CAVIN2: variants seen among roughly 807,000 people sequenced by gnomAD.
The protein encoded by CAVIN2 is caveolae associated protein 2.
In CAVIN2, 13 loss-of-function variants were observed where a neutral mutation model predicts 11.7. The ratio of observed to expected loss-of-function variants is 1.11; its 90% CI spans 0.72 to 1.77. The LOEUF (loss-of-function observed/expected upper bound fraction) is 1.77. Among genes scored for constraint, CAVIN2 ranks in the 40% most tolerant of loss-of-function variants. The pLI, the probability that CAVIN2 is intolerant of heterozygous loss-of-function variation, is 0.00. For synonymous variants in CAVIN2, 237 were observed against 223.2 expected, an observed-to-expected ratio of 1.06 and a Z score of -0.55; for missense variants, 549 against 542.9, an observed-to-expected ratio of 1.01 and a Z score of -0.11.
Position 191,846,550 on chromosome 2 carries a change from G to A in CAVIN2, c.376C>T (p.Arg126Cys), listed in dbSNP as rs1690170238. The A allele has an allele frequency of 3.1e-6, 5 of 1,614,272 alleles. No homozygotes were observed. Among genetic ancestry groups the A allele is most frequent in the Non-Finnish European group, 4.2e-6 (5 of 1,180,056 alleles). Residue 126 changes from arginine (R) to cysteine (C), a missense_variant, in exon 1 of 2, where the codon CGC becomes TGC. Physicochemically the swap from Arg to Cys is radical, Grantham distance 180. Coordinates refer to ENST00000304141, the MANE Select transcript of CAVIN2 (RefSeq NM_004657.6). ...EKSRKVSAHT[R>C]AVKERMDRQC... ...CTATCCATGCGCTCTTTGACCGCGC[G>A]CGTGTGGGCGCTGACCTTGCGGGAC...
At position 191,836,163 on chromosome 2, in the gene CAVIN2, C is replaced by T. The variant is rs1031284947; in HGVS notation, c.1038G>A (p.Leu346=). The T allele has an allele frequency of 3.1e-6, 5 of 1,614,182 alleles. No homozygotes were observed. Among genetic ancestry groups the T allele is most frequent in the Non-Finnish European group, 4.2e-6 (5 of 1,180,038 alleles). Residue 346 remains leucine, a synonymous_variant, in exon 2 of 2, where the codon CTG becomes CTA. Transcript: ENST00000304141. ...GHSEASLASA[L]VEGEIAEEAA... ...CCTCCTCTGCAATTTCCCCTTCCACCAGAGCGCTGGCGAGGGACGCTTCGG... is the reference window on the plus strand; with the variant it reads ...CCTCCTCTGCAATTTCCCCTTCCACTAGAGCGCTGGCGAGGGACGCTTCGG...
chr2:191,844,167 C>G (rs1385051205), intron 1 of CAVIN2, among the ~76,000 whole-genome samples: 1 of 152,166 alleles, frequency 6.6e-6, no homozygotes, highest in East Asian at 1.9e-4. Flanking sequence ...ACATATTTAG[C>G]AAGTGGTAGA....
At chr2:191,843,302 C>T (rs1690119710) in intron 1 of CAVIN2, among the ~76,000 whole-genome samples, 2 of 152,194 alleles carry the variant, frequency 1.3e-5, no homozygotes, top group South Asian at 4.1e-4. Context: ...CTCAACAGTA[C>T]CATACCAAAT....
In CAVIN2 at chr2:191,846,945, T is replaced by C; in HGVS notation, c.-20A>G. On this transcript the variant is annotated 5_prime_UTR_variant, in exon 1 of 2. Coordinates refer to ENST00000304141, the MANE Select transcript of CAVIN2 (RefSeq NM_004657.6). ...TCCCATGGCTAGGCAGGTGGGAACG[T>C]TCTTTCTCTCTGGGAGCTGCTTCTT... is the stretch of plus-strand genomic sequence containing the variant. The C allele has an allele frequency of 6.3e-7, 1 of 1,578,534 alleles. No individual in the cohort carries two copies. Among genetic ancestry groups the C allele is most frequent in the Non-Finnish European group, 8.6e-7 (1 of 1,165,316 alleles).
Position 191,846,432 on chromosome 2 carries a change from G to C in CAVIN2, c.483+11C>G, listed in dbSNP as rs753345921. ...CCAGCCCGCCTGTAAGGAGGCATAGGGGGAACTGACCTGGAAGATGAGCAC... is the reference window on the plus strand; with the variant it reads ...CCAGCCCGCCTGTAAGGAGGCATAGCGGGAACTGACCTGGAAGATGAGCAC... On this transcript the variant is annotated intron_variant, in intron 1 of 1. Coordinates refer to ENST00000304141, the MANE Select transcript of CAVIN2 (RefSeq NM_004657.6). 1.6e-5 allele frequency: 26 copies of C among 1,604,880 alleles called. No homozygotes were observed. Among genetic ancestry groups the C allele is most frequent in the East Asian group, 6.7e-5 (3 of 44,750 alleles).
At chr2:191,844,123 A>G (rs1354846682) in intron 1 of CAVIN2, among the ~76,000 whole-genome samples, 3 of 152,224 alleles carry the variant, frequency 2.0e-5, no homozygotes, top group African/African-American at 4.8e-5. Flanking sequence ...ATGAGGAAAC[A>G]GGTTTGGAGA....
chr2:191,839,856 G>A (rs1017931562), intron 1 of CAVIN2, among the ~76,000 whole-genome samples: 1 of 152,216 alleles, frequency 6.6e-6, no homozygotes, highest in African/African-American at 2.4e-5. Flanking sequence ...ATCTGTGAAT[G>A]TCCAAGCACA....
chr2:191,843,923 T>A (rs1690130430), intron 1 of CAVIN2, among the ~76,000 whole-genome samples: 1 of 152,250 alleles, frequency 6.6e-6, no homozygotes, highest in Non-Finnish European at 1.5e-5. Flanking sequence ...TTGAAATCAA[T>A]TAAACATGAG....
At chr2:191,843,809 T>A (rs551281183) in intron 1 of CAVIN2, among the ~76,000 whole-genome samples, 2 of 152,330 alleles carry the variant, frequency 1.3e-5, no homozygotes, top group East Asian at 3.9e-4. Flanking sequence ...TGAGCACTTA[T>A]ACCATGCCAG....
At chr2:191,836,963 G>C (rs1690031502) in intron 1 of CAVIN2, among the ~76,000 whole-genome samples, 1 of 152,352 alleles carries the variant, frequency 6.6e-6, no homozygotes, top group African/African-American at 2.4e-5. Flanking sequence ...CTGTATCAGT[G>C]ACAGGCAGAG....
intron 1 of CAVIN2, among the ~76,000 whole-genome samples, chr2:191,841,811 T>TA (rs1690096685): frequency 6.6e-6 from 1 of 152,192 alleles, no homozygotes; most frequent in Admixed American, 6.5e-5. Flanking sequence ...TGATTCTTTC[T>TA]AAAAAATACC....
chr2:191,844,765 T>A (rs1690141073), intron 1 of CAVIN2, among the ~76,000 whole-genome samples: 2 of 152,116 alleles, frequency 1.3e-5, no homozygotes, highest in Admixed American at 1.3e-4. Flanking sequence ...GAATTTCTAC[T>A]AGCATATCCT....
At chr2:191,846,025 A>T (rs115397098) in intron 1 of CAVIN2, among the ~76,000 whole-genome samples, 1 of 152,230 alleles carries the variant, frequency 6.6e-6, no homozygotes, top group Non-Finnish European at 1.5e-5. Flanking sequence ...TGATCACTTC[A>T]TTTCCACTAA....
At position 191,836,121 on chromosome 2, in the gene CAVIN2, G is replaced by A. The variant is rs779126280; in HGVS notation, c.1080C>T (p.Thr360=). The change falls in exon 2 of 2, where the codon ACC becomes ACT. Residue 360 remains threonine, a synonymous_variant. Transcript: ENST00000304141. ...CCATCCCCGAGTTACTCCCCCTGGA[G>A]GTCGCCTTCTCAGCAGCCTCCTCTG... ...EIAEEAAEKA[T]SRGSNSGMDS... 1 of 1,614,208 alleles carries A rather than the reference G, an allele frequency of 6.2e-7. No individual in the cohort carries two copies. The highest frequency in any genetic ancestry group is 1.1e-5 in the South Asian group (1 of 91,082).
chr2:191,844,549 T>C (rs1690138259), intron 1 of CAVIN2, among the ~76,000 whole-genome samples: 2 of 152,194 alleles, frequency 1.3e-5, no homozygotes, highest in South Asian at 4.1e-4. Flanking sequence ...CACATTTCTG[T>C]GGATATTCTT....
At position 191,834,350 on chromosome 2, in the gene CAVIN2, G is replaced by A. The variant is rs1201565786; in HGVS notation, c.*1573C>T. 1 of 152,066 alleles carries A rather than the reference G, an allele frequency of 6.6e-6. No homozygotes were observed. Among genetic ancestry groups the A allele is most frequent in the African/African-American group, 2.4e-5 (1 of 41,414 alleles). 9.4% of individuals were successfully genotyped at this position (152,066 alleles called of 1,614,324 possible). On this transcript the variant is annotated 3_prime_UTR_variant, in exon 2 of 2. Coordinates refer to ENST00000304141, the MANE Select transcript of CAVIN2 (RefSeq NM_004657.6). ...GGTTTATTTAATCTTCTTTAACACA[G>A]CCATTGTTGGTTCAACAATCCAATA...
At chr2:191,840,576 T>C (rs910719676) in intron 1 of CAVIN2, among the ~76,000 whole-genome samples, 1 of 152,212 alleles carries the variant, frequency 6.6e-6, no homozygotes, top group Non-Finnish European at 1.5e-5. Context: ...CATTTCTCCT[T>C]GTACTTTAAC....
Position 191,846,518 on chromosome 2 carries a change from G to C in CAVIN2, c.408C>G (p.Cys136Trp), listed in dbSNP as rs61735647. The change falls in exon 1 of 2, where the codon TGC becomes TGG. Residue 136 changes from cysteine to tryptophan, a missense_variant. By Grantham distance (215) the Cys-to-Trp change is radical (BLOSUM62 -2). Coordinates refer to ENST00000304141, the MANE Select transcript of CAVIN2 (RefSeq NM_004657.6). ...RAVKERMDRQ[C>W]AQVKRLENNH... ...TGTTCTCCAGCCGCTTCACCTGTGC[G>C]CACTGCCTATCCATGCGCTCTTTGA... is the stretch of plus-strand genomic sequence containing the variant. The C allele has an allele frequency of 8.4e-5, 135 of 1,614,262 alleles. No homozygotes were observed. In the African/African-American group the frequency reaches 1.7e-3, roughly 20 times the overall value.
intron 1 of CAVIN2, among the ~76,000 whole-genome samples, chr2:191,842,442 C>A (rs1488826530): frequency 1.3e-5 from 2 of 152,174 alleles, no homozygotes; most frequent in Non-Finnish European, 2.9e-5. Context: ...TCTCTTAAAT[C>A]AAAAGAGAAA....
Sources: gnomAD v4.1 joint callset for allele counts (sites outside exome capture counted in the v4.1 genomes callset) on GRCh38, gnomAD v4.1.1 for gene constraint, MANE v1.5 for transcripts, NCBI Gene and HGNC (gene_info 2026-07-23, HGNC 2026-07-21) for gene names.